The following MGST2 variants were observed in gnomAD, a reference collection of about 807,000 sequenced individuals.
MGST2 encodes the protein glutathione peroxidase MGST2.
In MGST2, 9 loss-of-function variants were observed where a neutral mutation model predicts 16.6. The observed-to-expected ratio is 0.54, with a 90% confidence interval of 0.33 to 0.95. The LOEUF (loss-of-function observed/expected upper bound fraction) is 0.95, where lower values mean the gene tolerates loss of function less well. MGST2 is among the 40% of genes least tolerant of loss of function. The probability of loss-of-function intolerance (pLI) is 0.03; values close to 1 mark genes in which losing one functional copy is unlikely to be tolerated. For synonymous variants in MGST2, 79 were observed against 68.0 expected, an observed-to-expected ratio of 1.16 and a Z score of -0.79; for missense variants, 159 against 175.1, an observed-to-expected ratio of 0.91 and a Z score of 0.52.
chr4:139,676,751 A>C (rs936381996), intron 1 of MGST2, among the ~76,000 whole-genome samples: 1 of 152,244 alleles, frequency 6.6e-6, no homozygotes, highest in Non-Finnish European at 1.5e-5. Flanking sequence ...TTCCTGTTAC[A>C]AACAAAGCTG....
rs150423168 is a variant in MGST2 at position 139,720,349 on chromosome 4, C to T, written c.*48+16153C>T. 9.8e-4 allele frequency: 1,483 copies of T among 1,509,220 alleles called. 9 individuals are homozygous for T. The African/African-American group carries it at 0.019, about 19-fold the overall frequency. The allele number at this position is 1,509,220 out of a possible 1,614,324, so 93.5% of individuals were successfully genotyped here. A position where few individuals can be genotyped will look rare whatever the true frequency, so the allele number is the denominator to read the frequency against. ...CTGCAGTGAAAAAGAGGACACATAC[C>T]ACTCACTCTTCTCCATAAGCAATAT... On this transcript the variant is annotated intron_variant, in intron 5 of 5. Transcript: ENST00000616265.
rs70943436 is a variant in MGST2 at position 139,702,844 on chromosome 4, G to GTTTT, written c.230-588_230-585dup. Among the ~76,000 whole-genome samples the GTTTT allele has an allele frequency of 2.7e-3, 126 of 46,450 alleles. 14 individuals are homozygous for GTTTT. Among genetic ancestry groups the GTTTT allele is most frequent in the South Asian group, 0.01 (7 of 688 alleles). The allele number at this position is 46,450 out of a possible 152,430, so 30.5% of individuals were successfully genotyped here. On this transcript the variant is annotated intron_variant, in intron 3 of 4. Coordinates refer to ENST00000265498, the MANE Select transcript of MGST2 (RefSeq NM_002413.5). Reference sequence around the variant, plus strand: ...TCCTCACCAACATTTTGTGTTACTGGTTTTTTTTTTTTTTTTTTTTTTTTT... The same window carrying GTTTT: ...TCCTCACCAACATTTTGTGTTACTGGTTTTTTTTTTTTTTTTTTTTTTTTTTTTT...
At chr4:139,729,099 C>T (rs941565004) in intron 5 of MGST2, among the ~76,000 whole-genome samples, 4 of 130,236 alleles carry the variant, frequency 3.1e-5, no homozygotes, top group East Asian at 5.0e-4. Flanking sequence ...AGCTGCCAGG[C>T]GGCTGACTGA....
chr4:139,706,012 A>G (rs563406654), downstream of MGST2, among the ~76,000 whole-genome samples: 1 of 152,340 alleles, frequency 6.6e-6, no homozygotes, highest in Non-Finnish European at 1.5e-5. Context: ...TGGTGTGGGC[A>G]TCTTCAAAAA....
At chr4:139,725,611 A>G (rs1473774150) in intron 5 of MGST2, 10 of 828,220 alleles carry the variant, frequency 1.2e-5, no homozygotes, top group Middle Eastern at 2.2e-4. Context: ...ATTGGTTAGT[A>G]CTCTTAACCT....
intron 4 of MGST2, 92 bp from the exon 5 acceptor site, chr4:139,703,924 C>G: frequency 1.3e-6 from 2 of 1,510,002 alleles, no homozygotes; most frequent in Non-Finnish European, 1.8e-6. Context: ...AAGTTCTGGA[C>G]AGTGTTAACG....
the MGST2 span, among the ~76,000 whole-genome samples, chr4:139,754,285 T>A: frequency 3.3e-5 from 5 of 152,246 alleles, no homozygotes; most frequent in African/African-American, 1.2e-4. Context: ...TTAAACATTA[T>A]TTTCTTCTTG....
At chr4:139,712,155 T>A (rs1727766460) in intron 5 of MGST2, among the ~76,000 whole-genome samples, 1 of 152,216 alleles carries the variant, frequency 6.6e-6, no homozygotes, top group Non-Finnish European at 1.5e-5. Context: ...TTAGAAGGCT[T>A]TCCATCAACT....
At chr4:139,748,610 T>C in the MGST2 span, among the ~76,000 whole-genome samples, 2 of 151,956 alleles carry the variant, frequency 1.3e-5, no homozygotes, top group African/African-American at 4.8e-5. Flanking sequence ...TCCGGCTCAG[T>C]CCCCCAAATC....
intron 3 of MGST2, among the ~76,000 whole-genome samples, chr4:139,699,487 AC>A (rs544898516): frequency 5.1e-4 from 78 of 152,276 alleles, no homozygotes; most frequent in Middle Eastern, 3.4e-3. Context: ...TTTGTGACAG[AC>A]CTTTTTCCTA....
intron 1 of MGST2, among the ~76,000 whole-genome samples, chr4:139,677,649 G>A (rs999420279): frequency 6.6e-6 from 1 of 151,984 alleles, no homozygotes; most frequent in East Asian, 1.9e-4. Flanking sequence ...TTACAGGCAT[G>A]CACCACCACG....
At chr4:139,696,723 A>C (rs1726944124) in intron 3 of MGST2, among the ~76,000 whole-genome samples, 1 of 152,190 alleles carries the variant, frequency 6.6e-6, no homozygotes, top group Non-Finnish European at 1.5e-5. Flanking sequence ...TTCAGCAAGA[A>C]TTTATTGTTT....
At chr4:139,679,077 A>T in intron 2 of MGST2, 1 of 183,414 alleles carries the variant, frequency 5.5e-6, no homozygotes, top group South Asian at 1.2e-4. Flanking sequence ...CCATTTCTTA[A>T]AATCAGAAAC....
intron 5 of MGST2, chr4:139,731,267 C>T (rs1296623888): frequency 2.5e-5 from 4 of 156,876 alleles, no homozygotes; most frequent in African/African-American, 7.2e-5. Context: ...ATGTTTTACA[C>T]CGATCAAAGC....
At position 139,719,608 on chromosome 4, in the gene MGST2, C is replaced by A. The variant is rs1332801836; in HGVS notation, c.*48+15412C>A. ...GGCTCAGGCCAGACATGACCATTGG[C>A]CTCGCCTGGCTGGTGCCTTGCTGCC... On this transcript the variant is annotated intron_variant, in intron 5 of 5. Coordinates refer to the MGST2 transcript ENST00000616265. The A allele has an allele frequency of 3.1e-6, 5 of 1,612,760 alleles. No homozygotes were observed. In the Admixed American group the frequency reaches 8.4e-5, roughly 27 times the overall value.
At chr4:139,728,994 CG>C (rs2110982805) in intron 5 of MGST2, among the ~76,000 whole-genome samples, 1 of 152,188 alleles carries the variant, frequency 6.6e-6, no homozygotes, top group East Asian at 1.9e-4. Context: ...CAGCTGCCCT[CG>C]GCAGCTCCAT....
At chr4:139,698,482 C>T in intron 3 of MGST2, 3 of 1,196,904 alleles carry the variant, frequency 2.5e-6, no homozygotes, top group Non-Finnish European at 2.5e-6. Context: ...TTGCGAGCGG[C>T]TTTTGTAGCC....
intron 5 of MGST2, chr4:139,720,174 T>A: frequency 6.2e-7 from 1 of 1,614,038 alleles, no homozygotes; most frequent in Non-Finnish European, 8.5e-7. Flanking sequence ...GCCAGTCCCA[T>A]CTCCGACTGC....
At position 139,735,029 on chromosome 4, in the gene MGST2, C is replaced by T. The variant is rs962855358; in HGVS notation, c.*49-5183C>T. 3.9e-5 allele frequency among the ~76,000 whole-genome samples: 6 copies of T among 152,200 alleles called. No individual in the cohort carries two copies. Among genetic ancestry groups the T allele is most frequent in the Non-Finnish European group, 7.3e-5 (5 of 68,028 alleles). On this transcript the variant is annotated intron_variant, in intron 5 of 5. Transcript: ENST00000616265. This position sits in a 1 kb window ranked among gnomAD's most constrained non-coding sequence, Gnocchi z 5.8. ...CCGGCCGCCGCTGCGCCCGCGCCCC[C>T]TCCCCTCGCAGATGGCTTAATCAGG...
Sources: gnomAD v4.1 joint callset for allele counts (sites outside exome capture counted in the v4.1 genomes callset) on GRCh38, gnomAD v4.1.1 for gene constraint, Gnocchi (gnomAD v3.1) non-coding constraint, MANE v1.5 for transcripts, NCBI Gene and HGNC (gene_info 2026-07-23, HGNC 2026-07-21) for gene names.